Variants in CLEC12A observed in about 807,000 individuals in gnomAD.
CLEC12A encodes the protein C-type lectin protein CLL-1.
Under a neutral mutation model 26.5 loss-of-function variants are expected in CLEC12A, and 22 were observed. The ratio of observed to expected loss-of-function variants is 0.83; its 90% CI spans 0.59 to 1.19. The LOEUF (loss-of-function observed/expected upper bound fraction) is 1.19, where lower values mean the gene tolerates loss of function less well. CLEC12A is among the 50% of genes most tolerant of loss of function. The pLI is 0.00. For missense variants in CLEC12A, 353 were observed against 315.6 expected, an observed-to-expected ratio of 1.12 and a Z score of -0.90; for synonymous variants, 119 against 101.9, an observed-to-expected ratio of 1.17 and a Z score of -1.01.
upstream of CLEC12A, among the ~76,000 whole-genome samples, chr12:9,970,270 G>C (rs539438028): frequency 4.0e-5 from 6 of 151,790 alleles, no homozygotes; most frequent in Admixed American, 1.3e-4. Context: ...TTTTGGTTAT[G>C]CAAATATCTA....
upstream of CLEC12A, among the ~76,000 whole-genome samples, chr12:9,970,247 A>AT (rs1864079414): frequency 1.3e-5 from 2 of 151,958 alleles, no homozygotes; most frequent in African/African-American, 4.8e-5. Flanking sequence ...TAGTTTTAAA[A>AT]TTTTTTTGTT....
At chr12:9,971,032 C>T (rs1864107690), upstream of CLEC12A, among the ~76,000 whole-genome samples, 4 of 152,164 alleles carry the variant, frequency 2.6e-5, no homozygotes, top group South Asian at 8.3e-4. Context: ...TCTCATTCTC[C>T]TTGGGAGTGC....
chr12:9,969,342 A>ATATCACATG (rs1864047885), upstream of CLEC12A, among the ~76,000 whole-genome samples: 1 of 152,210 alleles, frequency 6.6e-6, no homozygotes, highest in African/African-American at 2.4e-5. Context: ...AGGTTTCAAA[A>ATATCACATG]TATCACATGT....
At chr12:10,001,129 AT>A in the CLEC12A span, among the ~76,000 whole-genome samples, 1 of 152,216 alleles carries the variant, frequency 6.6e-6, no homozygotes, top group Non-Finnish European at 1.5e-5. Flanking sequence ...TATTGTAAAC[AT>A]TTTTTGTTTA....
intron 1 of CLEC12A, among the ~76,000 whole-genome samples, chr12:9,957,832 A>G (rs35333643): frequency 0.31 from 47,809 of 152,118 alleles, 7,958 homozygotes; most frequent in East Asian, 0.47. Flanking sequence ...GCCTGACACA[A>G]TTCCCAGCTT....
chr12:9,962,655 G>A lies in CLEC12A; in HGVS notation c.11-8922G>A, dbSNP rs149927256. ...GAGTGGGGGCCACAAGGTGCTCAGT[G>A]GGGGAGCTTTTGAGCCAGGATGAGC... On this transcript the variant is annotated intron_variant, in intron 1 of 6. Transcript: ENST00000355690. 2.5e-3 allele frequency among the ~76,000 whole-genome samples: 383 copies of A among 152,244 alleles called. 4 individuals are homozygous for A. The highest frequency in any genetic ancestry group is 8.7e-3 in the African/African-American group (363 of 41,524).
chr12:9,998,948 A>G, downstream of CLEC12A: 1 of 770,270 alleles, frequency 1.3e-6, no homozygotes. Context: ...AAATTAAACT[A>G]TATATATTAT....
chr12:9,958,695 A>G (rs1863782111), intron 1 of CLEC12A, among the ~76,000 whole-genome samples: 1 of 152,256 alleles, frequency 6.6e-6, no homozygotes, highest in East Asian at 1.9e-4. Context: ...AATTCTTAAC[A>G]GGACCAGATT....
At chr12:9,966,625 G>A (rs907349658), upstream of CLEC12A, among the ~76,000 whole-genome samples, 1 of 152,024 alleles carries the variant, frequency 6.6e-6, no homozygotes, top group Non-Finnish European at 1.5e-5. Context: ...GCTGGGGTTT[G>A]TCTCACAGTG....
downstream of CLEC12A, chr12:9,998,422 G>A: frequency 6.8e-7 from 1 of 1,476,298 alleles, no homozygotes; most frequent in Non-Finnish European, 9.5e-7. Context: ...AGGCAGTATG[G>A]GTTAGCTATG....
At chr12:9,996,965 T>C, downstream of CLEC12A, 1 of 1,614,082 alleles carries the variant, frequency 6.2e-7, no homozygotes, top group East Asian at 2.2e-5. Context: ...CCATAATATC[T>C]CCAGTTTGTG....
the CLEC12A span, among the ~76,000 whole-genome samples, chr12:10,004,607 G>A: frequency 6.6e-6 from 1 of 151,850 alleles, no homozygotes; most frequent in East Asian, 1.9e-4. Context: ...CTGATCTGGA[G>A]CCTGGAGTTC....
chr12:10,001,881 C>CTTTTT, the CLEC12A span, among the ~76,000 whole-genome samples: 2 of 134,210 alleles, frequency 1.5e-5, no homozygotes, highest in Non-Finnish European at 3.1e-5. Context: ...TAAACAAAAT[C>CTTTTT]TTTTTTTTTT....
downstream of CLEC12A, chr12:9,985,600 C>T (rs928753663): frequency 5.8e-5 from 23 of 397,052 alleles, no homozygotes; most frequent in South Asian, 1.3e-4. Flanking sequence ...AGGCAAGTTA[C>T]GAGACTGACT....
chr12:9,958,313 G>A (rs923822220), intron 1 of CLEC12A, among the ~76,000 whole-genome samples: 22 of 152,190 alleles, frequency 1.4e-4, no homozygotes, highest in South Asian at 6.2e-4. Flanking sequence ...CATATAATCC[G>A]GGCACACAGG....
At chr12:9,964,338 C>T (rs932701480) in intron 1 of CLEC12A, among the ~76,000 whole-genome samples, 20 of 151,904 alleles carry the variant, frequency 1.3e-4, no homozygotes, top group Non-Finnish European at 1.9e-4. Context: ...GCTGTGTAGG[C>T]ATTGGAAGAA....
At chr12:9,964,115 G>C (rs183227618) in intron 1 of CLEC12A, among the ~76,000 whole-genome samples, 2 of 152,160 alleles carry the variant, frequency 1.3e-5, no homozygotes, top group Non-Finnish European at 2.9e-5. Context: ...AGGTAAATAC[G>C]GGGGGAGTAG....
chr12:9,985,780 G>A, downstream of CLEC12A: 1 of 268,000 alleles, frequency 3.7e-6, no homozygotes, highest in Non-Finnish European at 6.9e-6. Flanking sequence ...TTTGTTACAA[G>A]GTATTTTTTA....
At position 9,985,250 on chromosome 12, in the gene CLEC12A, C is replaced by T. The variant is rs1864732593; in HGVS notation, c.*224C>T. The T allele has an allele frequency of 2.3e-6, 1 of 431,472 alleles. No individual in the cohort carries two copies. 26.7% of individuals were successfully genotyped at this position (431,472 alleles called of 1,614,324 possible). A position where few individuals can be genotyped will look rare whatever the true frequency, so the allele number is the denominator to read the frequency against. On this transcript the variant is annotated 3_prime_UTR_variant, in exon 6 of 6. Coordinates refer to ENST00000304361, the MANE Select transcript of CLEC12A (RefSeq NM_138337.6). ...TCCCACCTCCCACTTTCCATCATGGCCTGAACCCTGGAGGAAGAGGAAGTC... is the reference window on the plus strand; with the variant it reads ...TCCCACCTCCCACTTTCCATCATGGTCTGAACCCTGGAGGAAGAGGAAGTC...
Sources: allele counts gnomAD v4.1 joint callset (sites outside exome capture counted in the v4.1 genomes callset), GRCh38; gene constraint gnomAD v4.1.1; transcripts MANE v1.5; gene names NCBI Gene and HGNC (gene_info 2026-07-23, HGNC 2026-07-21).